The following ZNF75D variants were observed in gnomAD, a reference collection of about 807,000 sequenced individuals.
ZNF75D encodes zinc finger protein 75.
In ZNF75D, 33 loss-of-function variants were observed where a neutral mutation model predicts 33.3. That is an observed-to-expected ratio of 0.99 (90% CI 0.75 to 1.32). The LOEUF is 1.32. Among genes scored for constraint, ZNF75D ranks in the 40% most tolerant of loss-of-function variants. The probability of loss-of-function intolerance (pLI) is 0.00; values close to 1 mark genes in which losing one functional copy is unlikely to be tolerated. For missense variants in ZNF75D, 338 were observed against 367.5 expected (o/e 0.92, Z 0.66); for synonymous variants, 113 against 130.6 (o/e 0.87, Z 0.92).
intron 2 of ZNF75D, among the ~76,000 whole-genome samples, chrX:135,295,550 G>T (rs1262576623): frequency 8.9e-6 from 1 of 111,960 alleles, no homozygotes; most frequent in Non-Finnish European, 1.9e-5. Flanking sequence ...GTAGGAGCCT[G>T]CGGCCAGGCG....
At chrX:135,309,988 T>G (rs1316559677) in intron 1 of ZNF75D, among the ~76,000 whole-genome samples, 1 of 112,081 alleles carries the variant, frequency 8.9e-6, no homozygotes, top group Non-Finnish European at 1.9e-5. Flanking sequence ...GATGTAGTAC[T>G]TGGCATTCAA....
intron 6 of ZNF75D, among the ~76,000 whole-genome samples, chrX:135,288,927 T>A (rs1459754748): frequency 8.9e-6 from 1 of 112,231 alleles, no homozygotes; most frequent in East Asian, 2.8e-4. Context: ...TTGAAAACGT[T>A]AAGGTTTTCT....
At chrX:135,338,497 C>G (rs2084744518) in intron 1 of ZNF75D, among the ~76,000 whole-genome samples, 1 of 112,387 alleles carries the variant, frequency 8.9e-6, no homozygotes, top group Non-Finnish European at 1.9e-5. Flanking sequence ...TGTAAAACTG[C>G]TGTTTCATGA....
intron 1 of ZNF75D, among the ~76,000 whole-genome samples, chrX:135,325,211 A>T (rs2084546197): frequency 9.3e-6 from 1 of 107,234 alleles, no homozygotes; most frequent in Non-Finnish European, 2.0e-5. Flanking sequence ...AGTGGCTGGC[A>T]TGCAGAGAGT....
intron 1 of ZNF75D, among the ~76,000 whole-genome samples, chrX:135,323,119 T>C (rs1452286829): frequency 8.9e-6 from 1 of 112,375 alleles, no homozygotes; most frequent in Non-Finnish European, 1.9e-5. Flanking sequence ...ATTTTGTTTC[T>C]TCACCCTTGT....
chrX:135,287,244 G>C lies in ZNF75D; in HGVS notation c.1426C>G (p.Pro476Ala). 8.3e-7 allele frequency: 1 copy of C among 1,211,473 alleles called. No homozygotes were observed. The highest frequency in any genetic ancestry group is 1.1e-6 in the Non-Finnish European group (1 of 895,142). The change falls in exon 7 of 7, where the codon CCT becomes GCT. Residue 476 changes from proline (P) to alanine (A), a missense_variant. By Grantham distance (27) the Pro-to-Ala change is conservative (BLOSUM62 -1). Transcript: ENST00000370766. ...KHQRTHTGEQ[P>A]YTCSLCKRNF... ...CTCTTGCATAAGCTACACGTATAAG[G>C]CTGCTCACCTGTGTGAGTTCTCTGG...
At chrX:135,339,014 A>C (rs902467503) in intron 1 of ZNF75D, among the ~76,000 whole-genome samples, 2 of 102,110 alleles carry the variant, frequency 2.0e-5, no homozygotes, top group Non-Finnish European at 2.0e-5. Flanking sequence ...TCCCTACCCA[A>C]TCCTCACTTC....
chrX:135,289,476 C>T (rs781984109), intron 6 of ZNF75D, among the ~76,000 whole-genome samples: 1 of 111,376 alleles, frequency 9.0e-6, no homozygotes, highest in Admixed American at 9.5e-5. Flanking sequence ...ATTAGCCAGA[C>T]ATGGTGCCAC....
At chrX:135,264,839 T>G (rs782241421) in intron 1 of ZNF75D, among the ~76,000 whole-genome samples, 54 of 110,755 alleles carry the variant, frequency 4.9e-4, no homozygotes, top group Non-Finnish European at 8.1e-4. Context: ...AAATACATAA[T>G]CAGAGGAGAC....
At chrX:135,338,214 AC>A (rs1556443220) in intron 1 of ZNF75D, among the ~76,000 whole-genome samples, 12 of 110,997 alleles carry the variant, frequency 1.1e-4, no homozygotes, top group African/African-American at 3.6e-4. Context: ...CCTGTTCTGC[AC>A]TGTCTTCTGT....
chrX:135,339,069 G>A (rs142619361), intron 1 of ZNF75D, among the ~76,000 whole-genome samples: 6,024 of 108,436 alleles, frequency 0.056, 164 homozygotes, highest in Non-Finnish European at 0.086. Flanking sequence ...TCTTCCCCTC[G>A]TCTTCCTCCC....
intron 1 of ZNF75D, among the ~76,000 whole-genome samples, chrX:135,259,163 T>A (rs868973667): frequency 8.9e-6 from 1 of 111,932 alleles, no homozygotes; most frequent in Non-Finnish European, 1.9e-5. Flanking sequence ...TATCTCTGTT[T>A]TGGTACCAGT....
At chrX:135,259,115 C>T (rs1027726765) in intron 1 of ZNF75D, among the ~76,000 whole-genome samples, 6 of 111,228 alleles carry the variant, frequency 5.4e-5, no homozygotes, top group Admixed American at 4.8e-4. Context: ...AAATGTGTGG[C>T]GTTATTTCTG....
At chrX:135,330,437 C>T (rs2084637638) in intron 1 of ZNF75D, 1 of 112,203 alleles carries the variant, frequency 8.9e-6, no homozygotes, top group Non-Finnish European at 1.9e-5. Context: ...ACAAAGGACT[C>T]TCTGAAGTCA....
At chrX:135,310,908 G>A (rs984915345) in intron 1 of ZNF75D, among the ~76,000 whole-genome samples, 1 of 110,989 alleles carries the variant, frequency 9.0e-6, no homozygotes, top group Admixed American at 9.6e-5. Flanking sequence ...GAAGGGGAGG[G>A]TTTAGAGGAC....
At chrX:135,259,364 G>C (rs887454108) in intron 1 of ZNF75D, among the ~76,000 whole-genome samples, 3 of 111,745 alleles carry the variant, frequency 2.7e-5, no homozygotes, top group Non-Finnish European at 5.6e-5. Flanking sequence ...GGATGGCATT[G>C]AATCTATAAA....
chrX:135,332,913 G>A (rs1200198404), intron 1 of ZNF75D, among the ~76,000 whole-genome samples: 4 of 111,999 alleles, frequency 3.6e-5, no homozygotes, highest in African/African-American at 1.3e-4. Flanking sequence ...GGAGACCAGA[G>A]AAGCCCCACT....
At chrX:135,258,292 A>T (rs1035086372) in intron 1 of ZNF75D, among the ~76,000 whole-genome samples, 1 of 109,927 alleles carries the variant, frequency 9.1e-6, no homozygotes, top group Non-Finnish European at 1.9e-5. Context: ...ATGATTTATA[A>T]TCCTTTGGGT....
At chrX:135,319,884 T>A (rs1602644094) in intron 1 of ZNF75D, among the ~76,000 whole-genome samples, 1 of 112,886 alleles carries the variant, frequency 8.9e-6, no homozygotes, top group East Asian at 2.8e-4. Context: ...ATTCTCTAAA[T>A]ATTTTAATAT....
Sources: gnomAD v4.1 joint callset for allele counts (sites outside exome capture counted in the v4.1 genomes callset) on GRCh38, gnomAD v4.1.1 for gene constraint, MANE v1.5 for transcripts, NCBI Gene and HGNC (gene_info 2026-07-23, HGNC 2026-07-21) for gene names.